Variants in MORC3 observed in about 807,000 individuals in gnomAD.
The protein encoded by MORC3 is MORC family CW-type zinc finger protein 3.
Under a neutral mutation model 109.1 loss-of-function variants are expected in MORC3, and 31 were observed. The ratio of observed to expected loss-of-function variants is 0.28; its 90% CI spans 0.21 to 0.38. The LOEUF is 0.38. Ranked by LOEUF, MORC3 falls within the 10% of genes least tolerant of loss-of-function variation. MORC3 has a pLI of 1.00. For synonymous variants in MORC3, 395 were observed against 380.7 expected, an observed-to-expected ratio of 1.04 and a Z score of -0.44; for missense variants, 867 against 1,135.8, an observed-to-expected ratio of 0.76 and a Z score of 3.40.
intron 14 of MORC3, among the ~76,000 whole-genome samples, chr21:36,365,177 G>A (rs753441565): frequency 1.3e-5 from 2 of 152,118 alleles, no homozygotes; most frequent in Admixed American, 1.3e-4. Flanking sequence ...GGAGAAGGAA[G>A]GGACAAAGAG....
chr21:36,366,750 C>T (rs1483407484), intron 14 of MORC3, among the ~76,000 whole-genome samples: 1 of 152,098 alleles, frequency 6.6e-6, no homozygotes, highest in African/African-American at 2.4e-5. Context: ...CCACTTTGCC[C>T]GGCCTATTAA....
At chr21:36,337,083 TG>T in intron 3 of MORC3, 77 bp downstream of exon 3, 1 of 1,523,300 alleles carries the variant, frequency 6.6e-7, no homozygotes, top group African/African-American at 1.4e-5. Context: ...TTACTATTCT[TG>T]GTTTTTGTTT....
intron 5 of MORC3, among the ~76,000 whole-genome samples, chr21:36,339,741 T>G (rs2085419471): frequency 6.6e-6 from 1 of 152,178 alleles, no homozygotes; most frequent in South Asian, 2.1e-4. Context: ...CTGAAAGATC[T>G]AAGACATACT....
At chr21:36,325,921 AATT>A (rs2085242944) in intron 1 of MORC3, among the ~76,000 whole-genome samples, 1 of 152,064 alleles carries the variant, frequency 6.6e-6, no homozygotes, top group Admixed American at 6.6e-5. Context: ...TTTATTATTA[AATT>A]ATTGTTAATT....
rs536900936 is a variant in MORC3 at position 36,324,931 on chromosome 21, A to G, written c.39+4628A>G. Among the ~76,000 whole-genome samples, 3 of 145,252 alleles carry G rather than the reference A, an allele frequency of 2.1e-5. No individual in the cohort carries two copies. In the East Asian group the frequency reaches 6.3e-4, roughly 31 times the overall value. ...ACCATGTTGGCCTGGCTGATCTTGA[A>G]CTCCTGACCTCAACTGATCCACCCG... On this transcript the variant is annotated intron_variant, in intron 1 of 16. Transcript: ENST00000400485.
intron 3 of MORC3, 48 bp downstream of exon 3, chr21:36,337,054 AG>A (rs771045773): frequency 6.9e-6 from 11 of 1,589,346 alleles, no homozygotes; most frequent in East Asian, 4.5e-5. Context: ...TTTTACCTAA[AG>A]GGTTTTCCAT....
At chr21:36,339,208 C>A in intron 5 of MORC3, 1 of 221,106 alleles carries the variant, frequency 4.5e-6, no homozygotes, top group Admixed American at 5.5e-5. Context: ...CAGCCTCCGC[C>A]TCCTAGGTTT....
chr21:36,344,548 G>A, intron 6 of MORC3, 31 bp from the exon 7 acceptor site: 1 of 1,605,778 alleles, frequency 6.2e-7, no homozygotes, highest in Non-Finnish European at 8.5e-7. Context: ...CAAACCTGTA[G>A]ATACTAACTT....
chr21:36,333,400 A>G (rs1202444678), intron 1 of MORC3: 4 of 517,656 alleles, frequency 7.7e-6, no homozygotes, highest in Non-Finnish European at 1.4e-5. Context: ...CAGTTATGAC[A>G]TTGTAGACAT....
rs1202729285 is a variant in MORC3 at position 36,353,755 on chromosome 21, ATTT to A, written c.1104-2845_1104-2843del. 2.1e-3 allele frequency among the ~76,000 whole-genome samples: 146 copies of A among 70,998 alleles called. 4 individuals are homozygous for A. Among genetic ancestry groups the A allele is most frequent in the Admixed American group, 5.0e-3 (24 of 4,788 alleles). The allele number at this position is 70,998 out of a possible 152,430, so 46.6% of individuals were successfully genotyped here. ...GCCACCAAGCCCGGCTAATTTTTGT[ATTT>A]TTTTTTTTTTTTTTTTTTTAGTAAA... On this transcript the variant is annotated intron_variant, in intron 9 of 16. Coordinates refer to ENST00000400485, the MANE Select transcript of MORC3 (RefSeq NM_015358.3).
rs139829387 is a variant in MORC3 at position 36,327,057 on chromosome 21, C to T, written c.40-6589C>T. Among the ~76,000 whole-genome samples, 993 of 151,830 alleles carry T rather than the reference C, an allele frequency of 6.5e-3. 8 individuals are homozygous for T. Among genetic ancestry groups the T allele is most frequent in the African/African-American group, 0.023 (956 of 41,382 alleles). On this transcript the variant is annotated intron_variant, in intron 1 of 16. Transcript: ENST00000400485. The stretch of plus-strand genomic sequence containing the variant: ...CTTGAACTCTTGACCTCAGGTGATC[C>T]GCCCACCTCAGCCTCCCAAAGTGCG...
intron 14 of MORC3, among the ~76,000 whole-genome samples, chr21:36,364,779 C>T (rs369074541): frequency 8.6e-5 from 13 of 151,666 alleles, no homozygotes; most frequent in African/African-American, 1.2e-4. Context: ...AGCCCGGGCG[C>T]GGTGGTTCAC....
intron 8 of MORC3, among the ~76,000 whole-genome samples, chr21:36,348,895 C>T (rs554216559): frequency 3.3e-5 from 5 of 152,178 alleles, no homozygotes; most frequent in Non-Finnish European, 5.9e-5. Flanking sequence ...CGCGGTGGCT[C>T]ATGCCTGTAA....
At chr21:36,333,562 G>GT in intron 1 of MORC3, 84 bp from the exon 2 acceptor site, 1 of 1,134,768 alleles carries the variant, frequency 8.8e-7, no homozygotes, top group African/African-American at 1.5e-5. Flanking sequence ...TCTCAATGTT[G>GT]TTTAACACAG....
At chr21:36,335,038 G>C (rs1333279268) in intron 2 of MORC3, among the ~76,000 whole-genome samples, 1 of 152,128 alleles carries the variant, frequency 6.6e-6, no homozygotes, top group Non-Finnish European at 1.5e-5. Context: ...TCTGAGGTGG[G>C]AGGATCACTC....
intron 1 of MORC3, among the ~76,000 whole-genome samples, chr21:36,320,837 G>C (rs2085185605): frequency 6.6e-6 from 1 of 152,236 alleles, no homozygotes. Context: ...TTGGGGCCCA[G>C]ACCCTAGATC....
chr21:36,347,944 T>C (rs2085529253), intron 8 of MORC3: 1 of 152,240 alleles, frequency 6.6e-6, no homozygotes, highest in Admixed American at 6.5e-5. Context: ...TTGTTATTAC[T>C]GTAGTTTAAA....
In MORC3 at chr21:36,335,208, A is replaced by G. The variant is rs1188554981; in HGVS notation, c.112+1490A>G. Among the ~76,000 whole-genome samples the G allele has an allele frequency of 3.3e-5, 5 of 152,316 alleles. No individual in the cohort carries two copies. The South Asian group carries it at 8.3e-4, about 25-fold the overall frequency. On this transcript the variant is annotated intron_variant, in intron 2 of 16. Transcript: ENST00000400485. The stretch of plus-strand genomic sequence containing the variant: ...ATTTAGGCATATGTTTAAGAAACAG[A>G]TAATAAAGGGAAATTGTATTCTTAG...
rs1191327305 is a variant in MORC3, at chr21:36,344,724, T to A, written c.885+17T>A. ...AAATTTTTAGTATCCTTTTTCTGAT[T>A]CCTTATAGAGATATGTTAGTCAGGT... On this transcript the variant is annotated intron_variant, in intron 7 of 16. Coordinates refer to ENST00000400485, the MANE Select transcript of MORC3 (RefSeq NM_015358.3). The A allele has an allele frequency of 1.9e-6, 3 of 1,612,780 alleles. No individual in the cohort carries two copies. The highest frequency in any genetic ancestry group is 2.5e-6 in the Non-Finnish European group (3 of 1,179,308).
Sources: allele counts gnomAD v4.1 joint callset (sites outside exome capture counted in the v4.1 genomes callset), GRCh38; gene constraint gnomAD v4.1.1; transcripts MANE v1.5; gene names NCBI Gene and HGNC (gene_info 2026-07-23, HGNC 2026-07-21).